ARHGAP24: variants seen among roughly 807,000 people sequenced by gnomAD.
ARHGAP24 encodes Rho GTPase activating protein 24.
ARHGAP24 carries 50 observed loss-of-function variants against 76.4 expected under a neutral mutation model. The ratio of observed to expected loss-of-function variants is 0.65; its 90% CI spans 0.52 to 0.83. ARHGAP24 has a LOEUF of 0.83. Ranked by LOEUF, ARHGAP24 falls within the 40% of genes least tolerant of loss-of-function variation. ARHGAP24 has a pLI of 0.00. For missense variants in ARHGAP24, 930 were observed against 914.2 expected (o/e 1.02, Z -0.22); for synonymous variants, 345 against 323.3 (o/e 1.07, Z -0.72).
At chr4:85,505,944 T>C (rs184505526) in intron 1 of ARHGAP24, among the ~76,000 whole-genome samples, 1 of 152,224 alleles carries the variant, frequency 6.6e-6, no homozygotes, top group East Asian at 1.9e-4. Flanking sequence ...ATGCTATTCC[T>C]TTCTGCTTGT....
At chr4:85,784,752 C>T (rs932991502) in intron 3 of ARHGAP24, among the ~76,000 whole-genome samples, 1 of 152,050 alleles carries the variant, frequency 6.6e-6, no homozygotes, top group Non-Finnish European at 1.5e-5. Context: ...AGAATTTTAG[C>T]AACCATTTCC....
chr4:85,505,525 C>G (rs190773769), intron 1 of ARHGAP24, among the ~76,000 whole-genome samples: 1 of 152,158 alleles, frequency 6.6e-6, no homozygotes, highest in Non-Finnish European at 1.5e-5. Context: ...GCTATTGAAG[C>G]TTGTGCATGC....
intron 1 of ARHGAP24, among the ~76,000 whole-genome samples, chr4:85,517,351 T>C (rs1724549395): frequency 6.6e-6 from 1 of 151,958 alleles, no homozygotes; most frequent in Non-Finnish European, 1.5e-5. Flanking sequence ...TTCTGAACAG[T>C]ATATAATTGT....
intron 3 of ARHGAP24, among the ~76,000 whole-genome samples, chr4:85,922,451 A>G (rs1384527153): frequency 6.6e-6 from 1 of 152,242 alleles, no homozygotes; most frequent in Non-Finnish European, 1.5e-5. Context: ...CAAACAAACA[A>G]ACAACATCTT....
intron 3 of ARHGAP24, among the ~76,000 whole-genome samples, chr4:85,745,109 G>A (rs1725975918): frequency 6.6e-6 from 1 of 151,900 alleles, no homozygotes; most frequent in Non-Finnish European, 1.5e-5. Context: ...GAGTAAATTT[G>A]TGCCCAGGAA....
intron 3 of ARHGAP24, among the ~76,000 whole-genome samples, chr4:85,835,207 T>C (rs1730194487): frequency 6.6e-6 from 1 of 151,958 alleles, no homozygotes; most frequent in Admixed American, 6.6e-5. Flanking sequence ...GGCTTGTTTT[T>C]CTCTTCTTGT....
At chr4:85,666,884 GTGAGATGTCAGTC>G (rs746876338) in intron 2 of ARHGAP24, among the ~76,000 whole-genome samples, 9 of 152,166 alleles carry the variant, frequency 5.9e-5, no homozygotes, top group Non-Finnish European at 1.0e-4. Flanking sequence ...ACCCAGCCGT[GTGAGATGTCAGTC>G]TGCCCATACT....
At chr4:85,533,699 A>G (rs1725357686) in intron 1 of ARHGAP24, among the ~76,000 whole-genome samples, 2 of 152,180 alleles carry the variant, frequency 1.3e-5, no homozygotes, top group African/African-American at 2.4e-5. Context: ...GTTGCCACAG[A>G]AAAAAATAAA....
chr4:85,977,347 A>G lies in ARHGAP24; in HGVS notation c.807-223A>G, dbSNP rs13144829. On this transcript the variant is annotated intron_variant, in intron 7 of 9. Coordinates refer to ENST00000395184, the MANE Select transcript of ARHGAP24 (RefSeq NM_001025616.3). ...TTGACAGAGGAAATCAAAGCAGGCC[A>G]GGCCAAGACAGATAGTTGATATGAT... 0.21 allele frequency among the ~76,000 whole-genome samples: 31,800 copies of G among 152,110 alleles called. 3,586 individuals carry two copies. Among genetic ancestry groups the G allele is most frequent in the South Asian group, 0.39 (1,896 of 4,820 alleles).
intron 2 of ARHGAP24, among the ~76,000 whole-genome samples, chr4:85,715,608 G>T (rs1386786584): frequency 6.6e-6 from 1 of 152,064 alleles, no homozygotes; most frequent in Admixed American, 6.6e-5. Context: ...TTTGACTCTA[G>T]AATAGATTTA....
intron 1 of ARHGAP24, among the ~76,000 whole-genome samples, chr4:85,562,074 C>T (rs1726620974): frequency 6.6e-6 from 1 of 152,078 alleles, no homozygotes; most frequent in African/African-American, 2.4e-5. Context: ...GAAAGGTAGG[C>T]AGGGATTGTT....
intron 2 of ARHGAP24, among the ~76,000 whole-genome samples, chr4:85,683,117 T>TGGGGGGGGGGGGGG (rs201448168): frequency 2.3e-4 from 13 of 56,932 alleles, no homozygotes; most frequent in Non-Finnish European, 3.2e-4. Context: ...TGTGGGGGGG[T>TGGGGGGGGGGGGGG]GGGGGGGGGG....
chr4:85,901,413 A>G (rs561260510), intron 3 of ARHGAP24, among the ~76,000 whole-genome samples: 2 of 152,292 alleles, frequency 1.3e-5, no homozygotes, highest in African/African-American at 4.8e-5. Context: ...TGACAAAACC[A>G]TAAGAAATGT....
intron 3 of ARHGAP24, among the ~76,000 whole-genome samples, chr4:85,873,813 C>A (rs1732671840): frequency 6.6e-6 from 1 of 152,184 alleles, no homozygotes; most frequent in Non-Finnish European, 1.5e-5. Context: ...GCTCTCCACT[C>A]AGGATAATAC....
chr4:85,967,349 T>C (rs981811248), intron 5 of ARHGAP24, among the ~76,000 whole-genome samples: 7 of 152,136 alleles, frequency 4.6e-5, no homozygotes, highest in Non-Finnish European at 7.4e-5. Context: ...TCACCTAGCA[T>C]TTAGCATGAG....
chr4:85,732,399 T>C (rs1725441263), intron 3 of ARHGAP24, among the ~76,000 whole-genome samples: 1 of 152,106 alleles, frequency 6.6e-6, no homozygotes. Context: ...GATAAGCTTG[T>C]AGCCAGGAGA....
intron 3 of ARHGAP24, among the ~76,000 whole-genome samples, chr4:85,881,249 T>C (rs1419400715): frequency 6.6e-6 from 1 of 152,198 alleles, no homozygotes; most frequent in Admixed American, 6.5e-5. Context: ...GACAGCACGA[T>C]TTCATCATGC....
At chr4:85,519,771 CTT>C (rs1255137294) in intron 1 of ARHGAP24, among the ~76,000 whole-genome samples, 1 of 151,966 alleles carries the variant, frequency 6.6e-6, no homozygotes, top group Non-Finnish European at 1.5e-5. Context: ...GTTAAATGGT[CTT>C]TTACTTCTCC....
intron 2 of ARHGAP24, among the ~76,000 whole-genome samples, chr4:85,589,295 T>C (rs1200580139): frequency 6.6e-6 from 1 of 152,214 alleles, no homozygotes; most frequent in Non-Finnish European, 1.5e-5. Context: ...GAAGATTGCA[T>C]TGGGTTGACA....
Sources: gnomAD v4.1 joint callset for allele counts (sites outside exome capture counted in the v4.1 genomes callset) on GRCh38, gnomAD v4.1.1 for gene constraint, MANE v1.5 for transcripts, NCBI Gene and HGNC (gene_info 2026-07-23, HGNC 2026-07-21) for gene names.